Variants in MGAT5B observed in about 807,000 individuals in gnomAD.
MGAT5B encodes alpha-1,6-mannosylglycoprotein 6-beta-N-acetylglucosaminyltransferase B, also known as N-acetylglucosaminyl-transferase Vb.
In MGAT5B, 54 loss-of-function variants were observed where a neutral mutation model predicts 95.1. That is an observed-to-expected ratio of 0.57 (90% CI 0.46 to 0.71). MGAT5B has a LOEUF of 0.71. Among genes scored for constraint, MGAT5B ranks in the 30% least tolerant of loss-of-function variants. The pLI, the probability that MGAT5B is intolerant of heterozygous loss-of-function variation, is 0.00. For synonymous variants in MGAT5B, 464 were observed against 451.0 expected (o/e 1.03, Z -0.36); for missense variants, 935 against 1,088.6 (o/e 0.86, Z 1.99).
In MGAT5B at chr17:76,949,905, A is replaced by C. The variant is rs1167175146; in HGVS notation, c.*1067A>C. ...ACCCTAGGTAGCCCCCCACCCCATC[A>C]GTGCCGAGTCCTTGTCCCTACCTCC... On this transcript the variant is annotated 3_prime_UTR_variant, in exon 18 of 18. Transcript: ENST00000569840. The C allele has an allele frequency of 7.0e-6, 1 of 143,198 alleles. No homozygotes were observed. Among genetic ancestry groups the C allele is most frequent in the African/African-American group, 2.6e-5 (1 of 39,060 alleles). 8.9% of individuals were successfully genotyped at this position (143,198 alleles called of 1,614,324 possible).
intron 3 of MGAT5B, among the ~76,000 whole-genome samples, chr17:76,897,736 T>TTC: frequency 1.0e-5 from 1 of 95,634 alleles, no homozygotes; most frequent in East Asian, 2.4e-4. Flanking sequence ...TTTTTCTTTT[T>TTC]TTTTTTTTTT....
intron 8 of MGAT5B, among the ~76,000 whole-genome samples, chr17:76,910,995 C>T (rs1230566845): frequency 2.0e-5 from 3 of 152,238 alleles, no homozygotes; most frequent in South Asian, 4.1e-4. Context: ...GAGAATTCCC[C>T]AGTTATGCCT....
At chr17:76,925,182 C>T in intron 9 of MGAT5B, 85 bp downstream of exon 9, 1 of 1,556,400 alleles carries the variant, frequency 6.4e-7, no homozygotes, top group Non-Finnish European at 8.7e-7. Flanking sequence ...CACGTCCCCA[C>T]TCAGCCAGCT....
chr17:76,899,285 G>C (rs982699441), intron 3 of MGAT5B, among the ~76,000 whole-genome samples: 1 of 152,082 alleles, frequency 6.6e-6, no homozygotes, highest in Non-Finnish European at 1.5e-5. Context: ...CTTAGAGCCC[G>C]GCTCGTCTCC....
At chr17:76,882,014 A>C (rs1221453948) in intron 2 of MGAT5B, 137 bp from the exon 3 acceptor site, 8 of 829,154 alleles carry the variant, frequency 9.6e-6, no homozygotes, top group Admixed American at 2.9e-5. Flanking sequence ...GGGAAGATGG[A>C]GCTGAGGCTG....
chr17:76,944,309 G>A (rs1347704351), intron 15 of MGAT5B: 3 of 152,250 alleles, frequency 2.0e-5, no homozygotes, highest in Non-Finnish European at 2.9e-5. Context: ...CTTGTGACAA[G>A]GGCTTACAGA....
chr17:76,925,011 G>A lies in MGAT5B; in HGVS notation c.1071G>A (p.Met357Ile). The change falls in exon 9 of 18, where the codon ATG becomes ATA. Residue 357 changes from methionine to isoleucine, a missense_variant. By Grantham distance (10) the Met-to-Ile change is conservative (BLOSUM62 1). This residue lies in a region of MGAT5B where 243 missense variants were observed against 305.5 expected (regional missense o/e 0.80). Coordinates refer to ENST00000569840, the MANE Select transcript of MGAT5B (RefSeq NM_001199172.2). ...GCCGGGGAAGCTGCCCGCTCACCAT[G>A]CCCCTGCCCTTCGACCTCATCTACA... is the stretch of plus-strand genomic sequence containing the variant. Reference protein sequence around the residue: ...PPGRGSCPLTMPLPFDLIYTD... With the variant: ...PPGRGSCPLTIPLPFDLIYTD... The A allele has an allele frequency of 6.2e-7, 1 of 1,603,496 alleles. No individual in the cohort carries two copies. The highest frequency in any genetic ancestry group is 1.1e-5 in the South Asian group (1 of 90,248).
In MGAT5B at chr17:76,902,690, G is replaced by A. The variant is rs751424527; in HGVS notation, c.445+20G>A. On this transcript the variant is annotated intron_variant, in intron 4 of 17. Coordinates refer to ENST00000569840, the MANE Select transcript of MGAT5B (RefSeq NM_001199172.2). ...GCAAGGGTGGGTGCCAGGGGGCGGG[G>A]GTACCCTCTACCCCTAGGGGGCCAA... The A allele has an allele frequency of 6.5e-7, 1 of 1,544,518 alleles. No individual in the cohort carries two copies. The highest frequency in any genetic ancestry group is 1.2e-5 in the South Asian group (1 of 84,444).
rs1454060352 is a variant in MGAT5B, at chr17:76,902,423, T to C, written c.330-132T>C. 1.1e-5 allele frequency: 7 copies of C among 636,758 alleles called. No homozygotes were observed. The East Asian group carries it at 1.4e-4, about 13-fold the overall frequency. The allele number at this position is 636,758 out of a possible 1,614,324, so 39.4% of individuals were successfully genotyped here. A position where few individuals can be genotyped will look rare whatever the true frequency, so the allele number is the denominator to read the frequency against. ...ATTCACTCCCCACCATTTGGTCTGC[T>C]TGGGGTCAGGGTTTGGGAGCCTGGG... On this transcript the variant is annotated intron_variant, in intron 3 of 17. Transcript: ENST00000569840.
At chr17:76,937,848 C>A in intron 12 of MGAT5B, 140 bp from the exon 13 acceptor site, 2 of 943,104 alleles carry the variant, frequency 2.1e-6, no homozygotes, top group Non-Finnish European at 3.2e-6. Context: ...CGGGGCCTTT[C>A]CCAGTGTCCC....
At chr17:76,872,544 G>T in intron 1 of MGAT5B, 1 of 915,324 alleles carries the variant, frequency 1.1e-6, no homozygotes, top group Non-Finnish European at 1.6e-6. Flanking sequence ...GCACTTTCAG[G>T]ACTGCAGCTG....
chr17:76,908,510 G>A (rs560058944), intron 8 of MGAT5B, among the ~76,000 whole-genome samples: 8 of 151,934 alleles, frequency 5.3e-5, no homozygotes, highest in Admixed American at 1.3e-4. Context: ...CAAGAAATTC[G>A]CCTACCTCAG....
At chr17:76,877,867 A>G (rs1967250461) in intron 2 of MGAT5B, among the ~76,000 whole-genome samples, 1 of 151,864 alleles carries the variant, frequency 6.6e-6, no homozygotes, top group Admixed American at 6.6e-5. Flanking sequence ...ACAGAGAGAG[A>G]CGAAGAGCGT....
At position 76,905,126 on chromosome 17, in the gene MGAT5B, C is replaced by T. The variant is rs1968473335; in HGVS notation, c.691-43C>T. The T allele has an allele frequency of 1.9e-6, 3 of 1,563,506 alleles. No individual in the cohort carries two copies. Among genetic ancestry groups the T allele is most frequent in the Non-Finnish European group, 1.7e-6 (2 of 1,148,546 alleles). On this transcript the variant is annotated intron_variant, in intron 6 of 17. Coordinates refer to ENST00000569840, the MANE Select transcript of MGAT5B (RefSeq NM_001199172.2). The surrounding 1 kb of genome is among the most constrained non-coding windows in gnomAD (Gnocchi z 4.2). ...CCAGGCCAGCGGGGAATGATGGTGG[C>T]CGCAGGTTGAGGGGCAGAGAGCTGA...
chr17:76,896,929 T>C (rs948197242), intron 3 of MGAT5B, among the ~76,000 whole-genome samples: 17 of 150,556 alleles, frequency 1.1e-4, no homozygotes, highest in African/African-American at 3.7e-4. Context: ...CTCTCTCTCT[T>C]TTTTTTTTAA....
chr17:76,880,516 C>G (rs1967370382), intron 2 of MGAT5B, among the ~76,000 whole-genome samples: 1 of 152,208 alleles, frequency 6.6e-6, no homozygotes, highest in Non-Finnish European at 1.5e-5. Flanking sequence ...TGCCCCTGCT[C>G]CGCCCACTGC....
rs1275673104 is a variant in MGAT5B, at chr17:76,916,043, G to A, written c.1026-8923G>A. ...ATGCCGAGTGTGGCGGGGTCACGTT[G>A]AGTGCCGCCAAATGTCGTGGGCCTC... On this transcript the variant is annotated intron_variant, in intron 8 of 17. Transcript: ENST00000569840. This position sits in a 1 kb window ranked among gnomAD's most constrained non-coding sequence, Gnocchi z 5.3. 6.6e-6 allele frequency among the ~76,000 whole-genome samples: 1 copy of A among 152,204 alleles called. No homozygotes were observed. Among genetic ancestry groups the A allele is most frequent in the African/African-American group, 2.4e-5 (1 of 41,448 alleles).
At chr17:76,946,810 C>T (rs572271378) in intron 16 of MGAT5B, among the ~76,000 whole-genome samples, 6 of 152,362 alleles carry the variant, frequency 3.9e-5, no homozygotes, top group Admixed American at 6.5e-5. Context: ...CCAGACTCTC[C>T]GCCCACCTGC....
chr17:76,897,733 T>TTC (rs1304460667), intron 3 of MGAT5B, among the ~76,000 whole-genome samples: 1 of 69,424 alleles, frequency 1.4e-5, no homozygotes, highest in Non-Finnish European at 2.3e-5. Context: ...TTCTTTTTCT[T>TTC]TTTTTTTTTT....
Sources: allele counts gnomAD v4.1 joint callset (sites outside exome capture counted in the v4.1 genomes callset), GRCh38; gene constraint gnomAD v4.1.1; regional missense constraint gnomAD v4.1.1; non-coding constraint Gnocchi (gnomAD v3.1); transcripts MANE v1.5; gene names NCBI Gene and HGNC (gene_info 2026-07-23, HGNC 2026-07-21).